NLRP7: variants seen among roughly 807,000 people sequenced by gnomAD.
The protein encoded by NLRP7 is NACHT, LRR and PYD domains-containing protein 7.
In NLRP7, 72 loss-of-function variants were observed where a neutral mutation model predicts 85.5. The ratio of observed to expected loss-of-function variants is 0.84; its 90% CI spans 0.70 to 1.02. The LOEUF (loss-of-function observed/expected upper bound fraction) is 1.02. Among genes scored for constraint, NLRP7 ranks in the 50% least tolerant of loss-of-function variants. The pLI is 0.00. For missense variants in NLRP7, 1,243 were observed against 1,219.5 expected (o/e 1.02, Z -0.29); for synonymous variants, 550 against 505.2 (o/e 1.09, Z -1.19).
chr19:54,964,215 T>G lies in NLRP7; in HGVS notation c.-77+1825A>C, dbSNP rs1323998618. On this transcript the variant is annotated intron_variant, in intron 1 of 2. Coordinates refer to the NLRP7 transcript ENST00000587103. ...TTTTAGTCTTATTTATATGGTGTTT[T>G]TTTTTTTTTTTTTTTTTTTGAGATG... 2.8e-3 allele frequency among the ~76,000 whole-genome samples: 328 copies of G among 115,742 alleles called. 5 individuals are homozygous for G. The highest frequency in any genetic ancestry group is 0.01 in the African/African-American group (316 of 30,112). The allele number at this position is 115,742 out of a possible 152,430, so 75.9% of individuals were successfully genotyped here. A position where few individuals can be genotyped will look rare whatever the true frequency, so the allele number is the denominator to read the frequency against.
At chr19:54,945,556 C>T (rs935609908) in intron 1 of NLRP7, among the ~76,000 whole-genome samples, 1 of 151,880 alleles carries the variant, frequency 6.6e-6, no homozygotes, top group Non-Finnish European at 1.5e-5. Context: ...AGGTATGAGC[C>T]ACCAGGCCTG....
intron 1 of NLRP7, among the ~76,000 whole-genome samples, chr19:54,946,188 T>A (rs1267160948): frequency 4.0e-5 from 6 of 151,558 alleles, no homozygotes; most frequent in Admixed American, 1.3e-4. Context: ...ATCACAGGCG[T>A]GAGCCACCGC....
At chr19:54,942,251 G>A (rs938966433) in intron 1 of NLRP7, among the ~76,000 whole-genome samples, 50 of 79,146 alleles carry the variant, frequency 6.3e-4, no homozygotes, top group African/African-American at 2.3e-3. Context: ...GCGAGACTCC[G>A]TCTCAAAAAA....
chr19:54,941,080 T>A, intron 2 of NLRP7, 75 bp from the exon 3 acceptor site: 1 of 1,139,498 alleles, frequency 8.8e-7, no homozygotes, highest in Admixed American at 1.7e-5. Context: ...ACATAAAGTG[T>A]CAGCCAGGCA....
intron 4 of NLRP7, 105 bp downstream of exon 4, chr19:54,938,783 G>A: frequency 8.0e-7 from 1 of 1,257,410 alleles, no homozygotes; most frequent in East Asian, 2.3e-5. Context: ...TGAACATGAA[G>A]CTGGAAAGAA....
Position 54,930,844 on chromosome 19 carries a change from T to C in NLRP7, c.2643-178A>G, listed in dbSNP as rs564083924. On this transcript the variant is annotated intron_variant, in intron 8 of 9. Coordinates refer to ENST00000340844, the Ensembl canonical transcript of NLRP7. ...GATTCTTCTGCCTCAGCCTCCCAAG[T>C]AGCTGGGATTATAGGTGCCCGCCAC... Among the ~76,000 whole-genome samples the C allele has an allele frequency of 4.6e-5, 7 of 152,078 alleles. No individual in the cohort carries two copies. The East Asian group carries it at 1.4e-3, about 30-fold the overall frequency.
intron 8 of NLRP7, among the ~76,000 whole-genome samples, chr19:54,931,309 A>G (rs2068666814): frequency 6.6e-6 from 1 of 152,098 alleles, no homozygotes; most frequent in South Asian, 2.1e-4. Flanking sequence ...CTGTAATCTC[A>G]GCACTTTGGG....
chr19:54,940,951 T>G, exon 3 of NLRP7: 1 of 1,612,396 alleles, frequency 6.2e-7, no homozygotes, highest in Non-Finnish European at 8.5e-7. Context: ...TAACTCCGAG[T>G]CTTCTTCTGC....
At position 54,934,099 on chromosome 19, in the gene NLRP7, C is replaced by T. The variant is rs1326944414; in HGVS notation, c.2472-360G>A. On this transcript the variant is annotated intron_variant, in intron 7 of 9. Transcript: ENST00000340844. This position sits in a 1 kb window ranked among gnomAD's most constrained non-coding sequence, Gnocchi z 6.7. ...GCTGGGACTACAGGCGCCCACCACACCTGGATAATTTTTTGTATTTTTTAG... is the reference window on the plus strand; with the variant it reads ...GCTGGGACTACAGGCGCCCACCACATCTGGATAATTTTTTGTATTTTTTAG... 6.6e-6 allele frequency among the ~76,000 whole-genome samples: 1 copy of T among 152,152 alleles called. No individual in the cohort carries two copies. Among genetic ancestry groups the T allele is most frequent in the Non-Finnish European group, 1.5e-5 (1 of 68,022 alleles).
chr19:54,928,848 G>A (rs1445654692), intron 9 of NLRP7, among the ~76,000 whole-genome samples: 2 of 152,036 alleles, frequency 1.3e-5, no homozygotes, highest in African/African-American at 4.8e-5. Context: ...TGTTGCCAAG[G>A]CTGGAGTGCA....
Position 54,923,696 on chromosome 19 carries a change from C to T in NLRP7, c.*44G>A, listed in dbSNP as rs201167539. ...GCATTCATAAGACATCTTAGAGACC[C>T]GAATCCCGCTTCCTGTGTAATTCGT... On this transcript the variant is annotated 3_prime_UTR_variant, in exon 10 of 10. Coordinates refer to ENST00000340844, the Ensembl canonical transcript of NLRP7. 2.2e-4 allele frequency: 360 copies of T among 1,610,232 alleles called. No homozygotes were observed. Among genetic ancestry groups the T allele is most frequent in the Middle Eastern group, 9.0e-4 (4 of 4,460 alleles).
Position 54,923,892 on chromosome 19 carries a change from C to G in NLRP7, c.2811-20G>C, listed in dbSNP as rs1569538654. The G allele has an allele frequency of 6.2e-7, 1 of 1,609,502 alleles. No individual in the cohort carries two copies. The highest frequency in any genetic ancestry group is 1.4e-5 in the African/African-American group (1 of 73,842). On this transcript the variant is annotated intron_variant, in intron 9 of 9. Transcript: ENST00000340844. ...TTCAACCTGGAGGGATCAGAGAACA[C>G]AAATGTTCCCAGAAATTCATTCTCA...
intron 9 of NLRP7, among the ~76,000 whole-genome samples, chr19:54,925,180 G>C (rs2068378698): frequency 6.6e-6 from 1 of 152,028 alleles, no homozygotes; most frequent in South Asian, 2.1e-4. Context: ...GAGGAACTGA[G>C]GAATGAGAAA....
chr19:54,947,580 A>G, upstream of NLRP7: 2 of 1,289,690 alleles, frequency 1.6e-6, no homozygotes, highest in Non-Finnish European at 2.0e-6. Context: ...TTTCCCGCCC[A>G]GGGTGGAACC....
exon 9 of NLRP7, chr19:54,930,511 A>G (rs2068630965): frequency 6.2e-7 from 1 of 1,608,378 alleles, no homozygotes; most frequent in Non-Finnish European, 8.5e-7. Context: ...TAGGTGTTTT[A>G]GGTTACAGTT....
chr19:54,952,853 T>C (rs2069715245), intron 1 of NLRP7, among the ~76,000 whole-genome samples: 1 of 151,494 alleles, frequency 6.6e-6, no homozygotes, highest in South Asian at 2.1e-4. Flanking sequence ...TAAGGCATTC[T>C]CCAAAAAAAA....
rs2069108647 is a variant in NLRP7 at position 54,939,498 on chromosome 19, G to A, written c.1321C>T (p.Gln441Ter). ...AGGAACAGACGGAGGTCGGACTCCTGCACCCCGAGCCTTTCCAGGTCCTCT... is the reference window on the plus strand; with the variant it reads ...AGGAACAGACGGAGGTCGGACTCCTACACCCCGAGCCTTTCCAGGTCCTCT... The change falls in exon 4 of 10, where the codon CAG becomes TAG. Residue 441 changes from glutamine to a stop codon, truncating the protein, a stop_gained. Coordinates refer to ENST00000340844, the Ensembl canonical transcript of NLRP7. LOFTEE classifies it high-confidence loss of function. 5 of 1,613,754 alleles carry A rather than the reference G, an allele frequency of 3.1e-6. No homozygotes were observed. Among genetic ancestry groups the A allele is most frequent in the Non-Finnish European group, 4.2e-6 (5 of 1,179,934 alleles).
rs1287991665 is a variant in NLRP7 at position 54,934,887 on chromosome 19, GGATT to G, written c.2301-232_2301-229del. On this transcript the variant is annotated intron_variant, in intron 6 of 9. Coordinates refer to ENST00000340844, the Ensembl canonical transcript of NLRP7. The surrounding 1 kb of genome is among the most constrained non-coding windows in gnomAD (Gnocchi z 6.7). ...AATTTTTGTATTTTTAGTAGAGACG[GGATT>G]TCACCATGTTGGCCACACTGGTCTT... 6.6e-6 allele frequency among the ~76,000 whole-genome samples: 1 copy of G among 152,044 alleles called. No individual in the cohort carries two copies. The highest frequency in any genetic ancestry group is 1.5e-5 in the Non-Finnish European group (1 of 68,010).
chr19:54,949,764 G>GATCAGC (rs933278969), upstream of NLRP7, among the ~76,000 whole-genome samples: 1 of 152,116 alleles, frequency 6.6e-6, no homozygotes, highest in Non-Finnish European at 1.5e-5. Flanking sequence ...CCAGCTATGT[G>GATCAGC]ATCAGCATTG....
Sources: allele counts gnomAD v4.1 joint callset (sites outside exome capture counted in the v4.1 genomes callset), GRCh38; gene constraint gnomAD v4.1.1; non-coding constraint Gnocchi (gnomAD v3.1); transcripts MANE v1.5; gene names NCBI Gene and HGNC (gene_info 2026-07-23, HGNC 2026-07-21).